The following CADM2 variants were observed in gnomAD, a reference collection of about 807,000 sequenced individuals.
CADM2 encodes cell adhesion molecule 2, also known as immunoglobulin superfamily member 4D.
CADM2 carries 12 observed loss-of-function variants against 49.8 expected under a neutral mutation model. That is an observed-to-expected ratio of 0.24 (90% CI 0.15 to 0.39). The LOEUF (loss-of-function observed/expected upper bound fraction) is 0.39, where lower values mean the gene tolerates loss of function less well. Ranked by LOEUF, CADM2 falls within the 10% of genes least tolerant of loss-of-function variation. The pLI, the probability that CADM2 is intolerant of heterozygous loss-of-function variation, is 1.00. For missense variants in CADM2, 378 were observed against 492.3 expected (o/e 0.77, Z 2.20); for synonymous variants, 214 against 175.4 (o/e 1.22, Z -1.74).
chr3:85,790,740 G>A (rs996048610), intron 2 of CADM2, among the ~76,000 whole-genome samples: 8 of 152,176 alleles, frequency 5.3e-5, no homozygotes, highest in Non-Finnish European at 8.8e-5. Context: ...ATCAGGAGGC[G>A]AAAGCCCTTC....
intron 5 of CADM2, among the ~76,000 whole-genome samples, chr3:85,892,435 A>G (rs982736026): frequency 1.3e-5 from 2 of 152,280 alleles, no homozygotes; most frequent in South Asian, 2.1e-4. Context: ...AGCTCCCACA[A>G]TCCCCGTATG....
intron 1 of CADM2, among the ~76,000 whole-genome samples, chr3:85,531,710 C>T (rs1381359248): frequency 6.6e-6 from 1 of 151,676 alleles, no homozygotes; most frequent in African/African-American, 2.4e-5. Flanking sequence ...GTTATTTTCC[C>T]CCAGTCTAAA....
chr3:85,347,110 C>G (rs892933124), intron 1 of CADM2, among the ~76,000 whole-genome samples: 29 of 149,854 alleles, frequency 1.9e-4, no homozygotes, highest in Non-Finnish European at 3.8e-4. Context: ...GTGATCCGAG[C>G]TACTCTGGAG....
intron 1 of CADM2, among the ~76,000 whole-genome samples, chr3:85,133,072 T>C (rs1295681085): frequency 6.6e-6 from 1 of 152,124 alleles, no homozygotes; most frequent in African/African-American, 2.4e-5. Flanking sequence ...TCTAGAGTTG[T>C]TCCTTCCTCC....
At chr3:85,770,417 G>C (rs1281356742) in intron 2 of CADM2, among the ~76,000 whole-genome samples, 3 of 151,934 alleles carry the variant, frequency 2.0e-5, no homozygotes, top group African/African-American at 7.3e-5. Flanking sequence ...AAGCAATCCT[G>C]ATCCTTCCAC....
rs1402803623 is a variant in CADM2 at position 86,067,089 on chromosome 3, T to C, written c.*306T>C. On this transcript the variant is annotated 3_prime_UTR_variant, in exon 10 of 10. Coordinates refer to ENST00000383699, the MANE Select transcript of CADM2 (RefSeq NM_001167675.2). ...CTCCTTGGATCATTATATTGAGTGG[T>C]TTTTATACATTAAAAAATGTATGCA... The C allele has an allele frequency of 4.2e-6, 1 of 237,398 alleles. No homozygotes were observed. Among genetic ancestry groups the C allele is most frequent in the Admixed American group, 5.2e-5 (1 of 19,206 alleles). The allele number at this position is 237,398 out of a possible 1,614,324, so 14.7% of individuals were successfully genotyped here. A position where few individuals can be genotyped will look rare whatever the true frequency, so the allele number is the denominator to read the frequency against.
intron 1 of CADM2, among the ~76,000 whole-genome samples, chr3:85,117,841 A>T (rs952007292): frequency 4.6e-5 from 7 of 152,074 alleles, no homozygotes; most frequent in Admixed American, 6.6e-5. Context: ...AATGGGCATT[A>T]TATTTTTTAT....
At chr3:85,628,025 T>C (rs1311072456) in intron 1 of CADM2, among the ~76,000 whole-genome samples, 1 of 151,942 alleles carries the variant, frequency 6.6e-6, no homozygotes, top group Non-Finnish European at 1.5e-5. Flanking sequence ...GTTGTTTGAG[T>C]GTTGGGCCGA....
At chr3:86,000,864 G>T (rs911176204) in intron 8 of CADM2, among the ~76,000 whole-genome samples, 1 of 152,098 alleles carries the variant, frequency 6.6e-6, no homozygotes, top group African/African-American at 2.4e-5. Flanking sequence ...AAGAGGGAAA[G>T]AGAGAGAGGA....
intron 3 of CADM2, among the ~76,000 whole-genome samples, chr3:85,848,459 A>C (rs1346990925): frequency 1.3e-5 from 2 of 152,302 alleles, no homozygotes; most frequent in East Asian, 3.9e-4. Flanking sequence ...TAAAATAATC[A>C]AAATTTAAAA....
intron 1 of CADM2, among the ~76,000 whole-genome samples, chr3:85,383,607 A>G (rs1399995160): frequency 6.7e-6 from 1 of 148,418 alleles, no homozygotes; most frequent in Non-Finnish European, 1.5e-5. Context: ...ATTTCATTCA[A>G]TTATCCTCAT....
intron 5 of CADM2, among the ~76,000 whole-genome samples, chr3:85,894,217 A>G (rs915370664): frequency 6.6e-6 from 1 of 152,172 alleles, no homozygotes; most frequent in South Asian, 2.1e-4. Flanking sequence ...TGAAGCTGGA[A>G]ACCATCATTC....
chr3:85,552,653 T>C (rs1048142201), intron 1 of CADM2, among the ~76,000 whole-genome samples: 5 of 151,698 alleles, frequency 3.3e-5, no homozygotes, highest in Admixed American at 6.6e-5. Flanking sequence ...GTGTTGGGAT[T>C]ACAGGTGTGA....
intron 1 of CADM2, among the ~76,000 whole-genome samples, chr3:85,608,382 C>T (rs1420985956): frequency 6.6e-6 from 1 of 151,936 alleles, no homozygotes; most frequent in African/African-American, 2.4e-5. Context: ...TTTTTTTTAG[C>T]TTAGAGATGT....
intron 1 of CADM2, among the ~76,000 whole-genome samples, chr3:85,538,317 A>G (rs2061466871): frequency 1.3e-5 from 2 of 152,030 alleles, no homozygotes; most frequent in Admixed American, 6.6e-5. Flanking sequence ...TTTGATCCCC[A>G]CAGCTTGCCA....
intron 1 of CADM2, among the ~76,000 whole-genome samples, chr3:85,304,592 G>A (rs896377767): frequency 1.3e-5 from 2 of 151,690 alleles, no homozygotes; most frequent in Admixed American, 6.6e-5. Flanking sequence ...GGAAAAGGAC[G>A]GAATATAAAG....
At chr3:85,287,351 TG>T (rs1472792131) in intron 1 of CADM2, among the ~76,000 whole-genome samples, 3 of 152,108 alleles carry the variant, frequency 2.0e-5, no homozygotes, top group Non-Finnish European at 4.4e-5. Context: ...ATATGTAAAC[TG>T]GTTTTTAATC....
Position 85,663,129 on chromosome 3 carries a change from A to G in CADM2, c.62-63393A>G, listed in dbSNP as rs545086852. On this transcript the variant is annotated intron_variant, in intron 1 of 9. Coordinates refer to ENST00000383699, the MANE Select transcript of CADM2 (RefSeq NM_001167675.2). Reference sequence around the variant, plus strand: ...ATCCAGAGACCAGCTCTTACAAAGTACACGATCTTGGGTAATGTCCTTAAT... The same window carrying G: ...ATCCAGAGACCAGCTCTTACAAAGTGCACGATCTTGGGTAATGTCCTTAAT... 4.6e-5 allele frequency among the ~76,000 whole-genome samples: 7 copies of G among 152,176 alleles called. No homozygotes were observed. The South Asian group carries it at 1.4e-3, about 31-fold the overall frequency.
chr3:85,890,172 C>G (rs1479413363), intron 5 of CADM2, among the ~76,000 whole-genome samples: 1 of 151,398 alleles, frequency 6.6e-6, no homozygotes, highest in Non-Finnish European at 1.5e-5. Context: ...GGGGAAAGAG[C>G]AAGCAGGAGG....
Sources: gnomAD v4.1 joint callset for allele counts (sites outside exome capture counted in the v4.1 genomes callset) on GRCh38, gnomAD v4.1.1 for gene constraint, MANE v1.5 for transcripts, NCBI Gene and HGNC (gene_info 2026-07-23, HGNC 2026-07-21) for gene names.